Variants in FLI1 observed in about 807,000 individuals in gnomAD.
FLI1 encodes the protein Friend leukemia integration 1 transcription factor.
In FLI1, 13 loss-of-function variants were observed where a neutral mutation model predicts 53.1. That is an observed-to-expected ratio of 0.24 (90% CI 0.16 to 0.39). FLI1 has a LOEUF of 0.39. Among genes scored for constraint, FLI1 ranks in the 10% least tolerant of loss-of-function variants. The pLI is 1.00. For missense variants in FLI1, 424 were observed against 600.5 expected, an observed-to-expected ratio of 0.71 and a Z score of 3.07; for synonymous variants, 244 against 236.7, an observed-to-expected ratio of 1.03 and a Z score of -0.28.
chr11:128,686,382 G>A (rs762704688), upstream of FLI1: 8 of 456,302 alleles, frequency 1.8e-5, no homozygotes, highest in South Asian at 1.2e-4. Context: ...GGACTGTAGG[G>A]AGGAGACCCA....
chr11:128,687,396 C>T (rs1314105163), intron 1 of FLI1, among the ~76,000 whole-genome samples: 1 of 152,172 alleles, frequency 6.6e-6, no homozygotes, highest in Non-Finnish European at 1.5e-5. Flanking sequence ...GGAGGCCCTG[C>T]TCATGGGAGG....
intron 4 of FLI1, among the ~76,000 whole-genome samples, chr11:128,778,916 C>T (rs944554838): frequency 5.3e-5 from 8 of 152,308 alleles, no homozygotes; most frequent in African/African-American, 1.4e-4. Context: ...AAGTAGAAAT[C>T]GGAGAAGAGG....
At chr11:128,698,089 C>T (rs925531251) in intron 1 of FLI1, among the ~76,000 whole-genome samples, 14 of 152,086 alleles carry the variant, frequency 9.2e-5, no homozygotes, top group African/African-American at 3.4e-4. Flanking sequence ...AAGCACAGCC[C>T]GAAAGAAGGG....
chr11:128,748,131 T>C (rs668191), intron 1 of FLI1: 227,558 of 307,890 alleles, frequency 0.74, 84,423 homozygotes, highest in East Asian at 0.96. Context: ...CCTGGGAGGA[T>C]GCAGAGATCC....
At chr11:128,715,736 T>C (rs1938980987) in intron 1 of FLI1, among the ~76,000 whole-genome samples, 1 of 152,182 alleles carries the variant, frequency 6.6e-6, no homozygotes, top group Admixed American at 6.5e-5. Flanking sequence ...AGGTCATGCT[T>C]TGAATTCAAG....
intron 1 of FLI1, among the ~76,000 whole-genome samples, chr11:128,707,857 T>G (rs1938618017): frequency 6.6e-6 from 1 of 152,238 alleles, no homozygotes; most frequent in South Asian, 2.1e-4. Context: ...CTGTTTCTGA[T>G]TCACTTCCAA....
intron 2 of FLI1, among the ~76,000 whole-genome samples, chr11:128,759,595 ATG>A (rs1336725790): frequency 6.6e-6 from 1 of 152,224 alleles, no homozygotes; most frequent in Non-Finnish European, 1.5e-5. Context: ...TAAAGTGTGA[ATG>A]AAGGGGGTGC....
At chr11:128,718,982 G>A (rs1442903964) in intron 1 of FLI1, among the ~76,000 whole-genome samples, 1 of 152,206 alleles carries the variant, frequency 6.6e-6, no homozygotes, top group African/African-American at 2.4e-5. Context: ...CGAACTTTCG[G>A]TATTTTGAAA....
At chr11:128,708,700 C>T (rs1461822782) in intron 1 of FLI1, among the ~76,000 whole-genome samples, 1 of 152,176 alleles carries the variant, frequency 6.6e-6, no homozygotes, top group Non-Finnish European at 1.5e-5. Context: ...AATTACTACA[C>T]TTTGACTAAC....
chr11:128,693,611 G>A (rs1472164443), upstream of FLI1, among the ~76,000 whole-genome samples: 1 of 152,120 alleles, frequency 6.6e-6, no homozygotes, highest in African/African-American at 2.4e-5. Flanking sequence ...AGTCAGGAGG[G>A]CCACCTTCGG....
intron 6 of FLI1, chr11:128,806,340 C>T (rs1942782424): frequency 6.6e-6 from 1 of 152,156 alleles, no homozygotes; most frequent in Non-Finnish European, 1.5e-5. Context: ...GCTTTGTGGA[C>T]CTGGTAGCAC....
At chr11:128,686,842 A>G (rs1031590553) in intron 1 of FLI1, 33 of 224,192 alleles carry the variant, frequency 1.5e-4, no homozygotes, top group Non-Finnish European at 2.5e-4. Flanking sequence ...ATCTCAAGCT[A>G]GGGCGCTCCT....
At chr11:128,771,204 G>T (rs202004012) in intron 3 of FLI1, among the ~76,000 whole-genome samples, 1 of 152,214 alleles carries the variant, frequency 6.6e-6, no homozygotes, top group African/African-American at 2.4e-5. Flanking sequence ...CATCTGAGCC[G>T]TCACTGCTCA....
At chr11:128,714,856 G>A (rs529966979) in intron 1 of FLI1, among the ~76,000 whole-genome samples, 2 of 151,040 alleles carry the variant, frequency 1.3e-5, no homozygotes, top group East Asian at 1.9e-4. Context: ...CTACAGGCAC[G>A]CACCACCACG....
intron 1 of FLI1, among the ~76,000 whole-genome samples, chr11:128,745,501 A>G (rs1341678714): frequency 6.6e-6 from 1 of 152,188 alleles, no homozygotes; most frequent in Non-Finnish European, 1.5e-5. Context: ...CAGATGTGCT[A>G]GTTGGAAATA....
At chr11:128,697,282 G>A (rs770151496) in intron 1 of FLI1, among the ~76,000 whole-genome samples, 11 of 152,224 alleles carry the variant, frequency 7.2e-5, no homozygotes, top group Non-Finnish European at 1.6e-4. Context: ...TGCACGTGGT[G>A]TCATTACAGA....
intron 1 of FLI1, among the ~76,000 whole-genome samples, chr11:128,701,473 C>CA (rs1461109663): frequency 6.6e-6 from 1 of 152,204 alleles, no homozygotes; most frequent in African/African-American, 2.4e-5. Flanking sequence ...CGCAGAGACT[C>CA]ATCACCGTCA....
intron 5 of FLI1, among the ~76,000 whole-genome samples, chr11:128,801,572 A>G (rs1005296106): frequency 6.6e-6 from 1 of 152,208 alleles, no homozygotes; most frequent in Admixed American, 6.5e-5. Context: ...ATTGTGGTCC[A>G]CTCAGAGGGG....
chr11:128,752,570 C>A (rs1341400770), intron 1 of FLI1, among the ~76,000 whole-genome samples: 1 of 152,214 alleles, frequency 6.6e-6, no homozygotes, highest in Non-Finnish European at 1.5e-5. Flanking sequence ...ACAGAAAATT[C>A]ACAAGAAAGA....
Sources: gnomAD v4.1 joint callset for allele counts (sites outside exome capture counted in the v4.1 genomes callset) on GRCh38, gnomAD v4.1.1 for gene constraint, MANE v1.5 for transcripts, NCBI Gene and HGNC (gene_info 2026-07-23, HGNC 2026-07-21) for gene names.